ADAMTS2: variants seen among roughly 807,000 people sequenced by gnomAD.
ADAMTS2 encodes A disintegrin and metalloproteinase with thrombospondin motifs 2.
ADAMTS2 carries 50 observed loss-of-function variants against 123.0 expected under a neutral mutation model. The observed-to-expected ratio is 0.41, with a 90% confidence interval of 0.32 to 0.51. The LOEUF is 0.51. Among genes scored for constraint, ADAMTS2 ranks in the 20% least tolerant of loss-of-function variants. The pLI is 0.35. For missense variants in ADAMTS2, 1,494 were observed against 1,705.2 expected, an observed-to-expected ratio of 0.88 and a Z score of 2.18; for synonymous variants, 678 against 695.4, an observed-to-expected ratio of 0.98 and a Z score of 0.39.
At chr5:179,163,936 A>C (rs796451623) in intron 5 of ADAMTS2, among the ~76,000 whole-genome samples, 3 of 151,048 alleles carry the variant, frequency 2.0e-5, no homozygotes, top group African/African-American at 7.3e-5. Context: ...GCTGGGGTGC[A>C]TGGGCACAGG....
intron 4 of ADAMTS2, among the ~76,000 whole-genome samples, chr5:179,205,501 C>T (rs546462874): frequency 2.0e-5 from 3 of 152,350 alleles, no homozygotes; most frequent in East Asian, 1.9e-4. Context: ...TTCCCAACGA[C>T]GCGCCTGGAA....
chr5:179,219,659 G>A (rs1240261513), intron 3 of ADAMTS2, among the ~76,000 whole-genome samples: 1 of 152,202 alleles, frequency 6.6e-6, no homozygotes, highest in East Asian at 1.9e-4. Flanking sequence ...AAGCCAGCAG[G>A]GCCATGCTGA....
chr5:179,152,985 C>T (rs1339060504), intron 9 of ADAMTS2, among the ~76,000 whole-genome samples: 2 of 152,188 alleles, frequency 1.3e-5, no homozygotes, highest in Admixed American at 6.5e-5. Flanking sequence ...AGCATTAAGA[C>T]GCTCATAGAC....
At chr5:179,204,468 G>A (rs1289794434) in intron 4 of ADAMTS2, among the ~76,000 whole-genome samples, 3 of 152,142 alleles carry the variant, frequency 2.0e-5, no homozygotes, top group African/African-American at 4.8e-5. Flanking sequence ...CCAGAGCCCC[G>A]GTGGCTACTG....
intron 3 of ADAMTS2, among the ~76,000 whole-genome samples, chr5:179,208,532 T>A (rs1195979246): frequency 8.5e-5 from 13 of 152,138 alleles, no homozygotes; most frequent in Admixed American, 8.5e-4. Context: ...GGGGCTGCCA[T>A]CCTGGGGAGT....
At chr5:179,167,806 TG>T (rs1366175833) in intron 5 of ADAMTS2, among the ~76,000 whole-genome samples, 1 of 152,228 alleles carries the variant, frequency 6.6e-6, no homozygotes, top group Non-Finnish European at 1.5e-5. Flanking sequence ...AGCTTGGAGC[TG>T]GGGGGCTTCC....
chr5:179,152,545 G>A (rs1763382674), intron 9 of ADAMTS2, among the ~76,000 whole-genome samples: 1 of 152,186 alleles, frequency 6.6e-6, no homozygotes, highest in Non-Finnish European at 1.5e-5. Flanking sequence ...CCTGAGGCTA[G>A]GTGGGCACCT....
At chr5:179,157,852 CT>C (rs1561782547) in intron 6 of ADAMTS2, among the ~76,000 whole-genome samples, 1 of 152,104 alleles carries the variant, frequency 6.6e-6, no homozygotes, top group Non-Finnish European at 1.5e-5. Flanking sequence ...GATATAAATC[CT>C]TTTTTATAAA....
intron 2 of ADAMTS2, among the ~76,000 whole-genome samples, chr5:179,330,275 A>T (rs1411002281): frequency 7.9e-5 from 12 of 151,894 alleles, no homozygotes; most frequent in Admixed American, 6.6e-4. Context: ...AGGTTGGGGG[A>T]AGGCTGTGAG....
intron 4 of ADAMTS2, among the ~76,000 whole-genome samples, chr5:179,192,407 G>A (rs1764327665): frequency 6.6e-6 from 1 of 152,216 alleles, no homozygotes; most frequent in South Asian, 2.1e-4. Flanking sequence ...GCGGGAAACG[G>A]CTTTGCCCTT....
rs1224125489 is a variant in ADAMTS2, at chr5:179,312,993, G to A, written c.534+30774C>T. Among the ~76,000 whole-genome samples the A allele has an allele frequency of 6.6e-6, 1 of 152,242 alleles. No individual in the cohort carries two copies. Among genetic ancestry groups the A allele is most frequent in the African/African-American group, 2.4e-5 (1 of 41,458 alleles). ...AGAATTATGGTAGAAGAATGGGGCT[G>A]GGAGGGGCAGCAGTGTTGTCAGTGA... On this transcript the variant is annotated intron_variant, in intron 2 of 21. Transcript: ENST00000251582. This position sits in a 1 kb window ranked among gnomAD's most constrained non-coding sequence, Gnocchi z 4.2.
At position 179,117,369 on chromosome 5, in the gene ADAMTS2, T is replaced by G. The variant is rs1762673980; in HGVS notation, c.3179-3045A>C. On this transcript the variant is annotated intron_variant, in intron 21 of 21. Transcript: ENST00000251582. The surrounding 1 kb of genome is among the most constrained non-coding windows in gnomAD (Gnocchi z 4.2). ...AGTTTTTCCTTCACACAGATAAGGC[T>G]GGTGTTACACATTTATCCACATCTC... Among the ~76,000 whole-genome samples, 1 of 152,180 alleles carries G rather than the reference T, an allele frequency of 6.6e-6. No homozygotes were observed. Among genetic ancestry groups the G allele is most frequent in the Non-Finnish European group, 1.5e-5 (1 of 68,026 alleles).
intron 4 of ADAMTS2, among the ~76,000 whole-genome samples, chr5:179,206,055 G>A (rs539214711): frequency 1.4e-4 from 22 of 152,216 alleles, no homozygotes; most frequent in African/African-American, 3.4e-4. Flanking sequence ...CACCGCACCC[G>A]GCCGTTATTA....
At position 179,341,753 on chromosome 5, in the gene ADAMTS2, TGTCCCACTGTCCAAGGC is replaced by T. The variant is rs563770573; in HGVS notation, c.534+1997_534+2013del. On this transcript the variant is annotated intron_variant, in intron 2 of 21. Transcript: ENST00000251582. ...AAAAAGAAAACAGAACCAATGGTGC[TGTCCCACTGTCCAAGGC>T]CATTATTCAGTGACAGCATTCAATG... is the stretch of plus-strand genomic sequence containing the variant. Among the ~76,000 whole-genome samples the T allele has an allele frequency of 5.3e-5, 8 of 151,406 alleles. No individual in the cohort carries two copies. The South Asian group carries it at 1.5e-3, about 28-fold the overall frequency.
chr5:179,234,450 C>G lies in ADAMTS2; in HGVS notation c.689-26735G>C, dbSNP rs1000837317. On this transcript the variant is annotated intron_variant, in intron 3 of 21. Transcript: ENST00000251582. This position sits in a 1 kb window ranked among gnomAD's most constrained non-coding sequence, Gnocchi z 4.7. ...GTGTGCAGGGCTTCACCCTCGCTCT[C>G]CTCTCTGCCTGCTCCACACCTGCTG... Among the ~76,000 whole-genome samples the G allele has an allele frequency of 6.6e-6, 1 of 152,100 alleles. No individual in the cohort carries two copies. Among genetic ancestry groups the G allele is most frequent in the African/African-American group, 2.4e-5 (1 of 41,408 alleles).
intron 3 of ADAMTS2, among the ~76,000 whole-genome samples, chr5:179,254,143 C>T (rs984832584): frequency 7.2e-5 from 11 of 152,192 alleles, no homozygotes; most frequent in Non-Finnish European, 1.3e-4. Context: ...CTCACAGTCC[C>T]GAGCTTCATA....
chr5:179,323,830 A>T lies in ADAMTS2; in HGVS notation c.534+19937T>A, dbSNP rs145768904. On this transcript the variant is annotated intron_variant, in intron 2 of 21. Transcript: ENST00000251582. Reference sequence around the variant, plus strand: ...TAATGCATCAATTAAAAGCACACAAAAAAGTTTTACATGAATGTTCCTGGC... The same window carrying T: ...TAATGCATCAATTAAAAGCACACAATAAAGTTTTACATGAATGTTCCTGGC... Among the ~76,000 whole-genome samples, 90 of 152,366 alleles carry T rather than the reference A, an allele frequency of 5.9e-4. 1 individual carries two copies. Among genetic ancestry groups the T allele is most frequent in the Middle Eastern group, 3.4e-3 (1 of 294 alleles).
At position 179,134,094 on chromosome 5, in the gene ADAMTS2, G is replaced by A. The variant is rs191621144; in HGVS notation, c.2086-1194C>T. ...AGTGCATTAGTGATCTTCCCTCCCC[G>A]TTAGGTTTACAACCATGATCACAGC... On this transcript the variant is annotated intron_variant, in intron 13 of 21. Transcript: ENST00000251582. Among the ~76,000 whole-genome samples, 74 of 152,208 alleles carry A rather than the reference G, an allele frequency of 4.9e-4. 2 individuals carry two copies. Among genetic ancestry groups the A allele is most frequent in the African/African-American group, 2.4e-4 (10 of 41,510 alleles).
At chr5:179,265,530 C>T (rs1200435551) in intron 3 of ADAMTS2, among the ~76,000 whole-genome samples, 1 of 152,208 alleles carries the variant, frequency 6.6e-6, no homozygotes, top group Non-Finnish European at 1.5e-5. Flanking sequence ...CTTCTGCCTT[C>T]ACAGCCCAGG....
Sources: gnomAD v4.1 joint callset for allele counts (sites outside exome capture counted in the v4.1 genomes callset) on GRCh38, gnomAD v4.1.1 for gene constraint, Gnocchi (gnomAD v3.1) non-coding constraint, MANE v1.5 for transcripts, NCBI Gene and HGNC (gene_info 2026-07-23, HGNC 2026-07-21) for gene names.